MAST3: variants seen among roughly 807,000 people sequenced by gnomAD.
MAST3 encodes microtubule-associated serine/threonine-protein kinase 3.
MAST3 carries 43 observed loss-of-function variants against 127.0 expected under a neutral mutation model. The ratio of observed to expected loss-of-function variants is 0.34; its 90% CI spans 0.27 to 0.44. The LOEUF is 0.44. MAST3 is among the 20% of genes least tolerant of loss of function. The probability of loss-of-function intolerance (pLI) is 1.00; values close to 1 mark genes in which losing one functional copy is unlikely to be tolerated. For missense variants in MAST3, 1,390 were observed against 1,919.1 expected, an observed-to-expected ratio of 0.72 and a Z score of 5.15; for synonymous variants, 785 against 809.2, an observed-to-expected ratio of 0.97 and a Z score of 0.51.
At chr19:18,103,040 C>T (rs1360195949) in intron 1 of MAST3, among the ~76,000 whole-genome samples, 2 of 151,942 alleles carry the variant, frequency 1.3e-5, no homozygotes, top group Admixed American at 6.5e-5. Flanking sequence ...TTCAGGGGGT[C>T]GGGGCCTCCC....
At chr19:18,104,578 C>T (rs2037919284) in intron 1 of MAST3, among the ~76,000 whole-genome samples, 1 of 152,096 alleles carries the variant, frequency 6.6e-6, no homozygotes, top group Admixed American at 6.6e-5. Context: ...ATGGCGAACA[C>T]CCAGATCACG....
intron 14 of MAST3, among the ~76,000 whole-genome samples, chr19:18,130,994 A>T (rs1248757908): frequency 6.6e-6 from 1 of 152,226 alleles, no homozygotes; most frequent in African/African-American, 2.4e-5. Flanking sequence ...AAGTGAAGGC[A>T]GGGAGATGTA....
Position 18,124,627 on chromosome 19 carries a change from C to G in MAST3, c.946-15C>G, listed in dbSNP as rs899576319. On this transcript the variant is annotated splice_polypyrimidine_tract_variant and intron_variant, in intron 10 of 27. Transcript: ENST00000687212. ...GGAACCAAGCCCTGGGTGACCAGCC[C>G]TCCTGTGCCCCTAGGAGTTTGACCC... 6.4e-7 allele frequency: 1 copy of G among 1,556,390 alleles called. No individual in the cohort carries two copies.
chr19:18,101,638 C>T (rs2037629157), intron 1 of MAST3, among the ~76,000 whole-genome samples: 1 of 152,094 alleles, frequency 6.6e-6, no homozygotes, highest in Admixed American at 6.6e-5. Context: ...CCCTTTGAGT[C>T]TCTCTTTTTT....
chr19:18,144,476 T>C lies in MAST3; in HGVS notation c.2595T>C (p.Ala865=). 6.4e-7 allele frequency: 1 copy of C among 1,570,142 alleles called. No homozygotes were observed. Among genetic ancestry groups the C allele is most frequent in the Middle Eastern group, 1.7e-4 (1 of 5,876 alleles). Residue 865 remains alanine (A), a synonymous_variant, in exon 23 of 28, where the codon GCT becomes GCC. Transcript: ENST00000687212. This position sits in a 1 kb window ranked among gnomAD's most constrained non-coding sequence, Gnocchi z 4.0. The stretch of plus-strand genomic sequence containing the variant: ...CTGCTGACCCTCTAGCCGACACAGC[T>C]GCTCTCAGCCACGCCCGCCTACGGA... ...PKPSSLSADT[A]ALSHARLRSN...
At chr19:18,138,891 T>G in intron 19 of MAST3, 124 bp from the exon 20 acceptor site, 2 of 676,230 alleles carry the variant, frequency 3.0e-6, no homozygotes, top group Non-Finnish European at 5.3e-6. Context: ...CCAGGCACTG[T>G]CCCACCTCAG....
Position 18,124,057 on chromosome 19 carries a change from C to T in MAST3, c.752C>T (p.Ala251Val), listed in dbSNP as rs2054899502. The T allele has an allele frequency of 6.2e-7, 1 of 1,608,314 alleles. No individual in the cohort carries two copies. ...ATCCACCACCAGATCGTCGAGCTGG[C>T]CCGAGACTGCTTGGCCAAGTCTGGC... ...GFIHHQIVEL[A>V]RDCLAKSGEN... Residue 251 changes from alanine to valine, a missense_variant, in exon 9 of 28, where the codon GCC (alanine) becomes GTC (valine). Ala to Val is a moderately conservative substitution (Grantham distance 64). Around this residue, in one of 5 missense-constraint regions of MAST3, gnomAD observed 277 missense variants for 384.8 expected, o/e 0.72. Transcript: ENST00000687212.
intron 3 of MAST3, among the ~76,000 whole-genome samples, chr19:18,111,530 C>CTTTTTTTTTTTT (rs576984210): frequency 6.8e-5 from 7 of 103,288 alleles, no homozygotes; most frequent in African/African-American, 3.2e-4. Flanking sequence ...TTTCCACAGA[C>CTTTTTTTTTTTT]TTTTTTTTTT....
chr19:18,124,933 C>T, intron 11 of MAST3, among the ~76,000 whole-genome samples, 159 bp downstream of exon 11: 1 of 135,942 alleles, frequency 7.4e-6, no homozygotes, highest in East Asian at 2.1e-4. Context: ...TGGTGGAAAC[C>T]CCCCCCCTAC....
chr19:18,137,915 A>G (rs1270335176), intron 19 of MAST3, among the ~76,000 whole-genome samples: 3 of 152,146 alleles, frequency 2.0e-5, no homozygotes, highest in African/African-American at 7.2e-5. Context: ...TTGGAGATGC[A>G]CAATTTTGGC....
In MAST3 at chr19:18,128,555, G is replaced by T. The variant is rs917424276; in HGVS notation, c.1137+97G>T. The T allele has an allele frequency of 5.2e-5, 66 of 1,260,548 alleles. No individual in the cohort carries two copies. In the Admixed American group the frequency reaches 5.3e-4, roughly 10 times the overall value. 78.1% of individuals were successfully genotyped at this position (1,260,548 alleles called of 1,614,324 possible). On this transcript the variant is annotated intron_variant, in intron 12 of 27. Transcript: ENST00000687212. ...GGCTGGGTTTGCCGAGGTCTTGCAT[G>T]TAGCTTAATTAGCATCGGTGACTTT...
chr19:18,126,452 G>A (rs1267295164), intron 11 of MAST3, among the ~76,000 whole-genome samples: 5 of 152,186 alleles, frequency 3.3e-5, no homozygotes, highest in Non-Finnish European at 5.9e-5. Context: ...TACCTGGAGT[G>A]GGACTGACCT....
chr19:18,100,097 G>A (rs2146752573), intron 1 of MAST3, among the ~76,000 whole-genome samples: 1 of 149,410 alleles, frequency 6.7e-6, no homozygotes, highest in East Asian at 2.0e-4. Flanking sequence ...TACTCAAGGA[G>A]GCTGAGGCAG....
chr19:18,142,018 A>G lies in MAST3; in HGVS notation c.2339+3A>G. The G allele has an allele frequency of 6.7e-7, 1 of 1,487,436 alleles. No homozygotes were observed. The highest frequency in any genetic ancestry group is 2.6e-5 in the East Asian group (1 of 39,182). The allele number at this position is 1,487,436 out of a possible 1,614,324, so 92.1% of individuals were successfully genotyped here. A position where few individuals can be genotyped will look rare whatever the true frequency, so the allele number is the denominator to read the frequency against. ...CGCCGGCTGAGTGCTGACATCCGGT[A>G]AGTGGCCTGGGGAAGTGTAGGCAGA... is the stretch of plus-strand genomic sequence containing the variant. On this transcript the variant is annotated splice_donor_region_variant and intron_variant, in intron 21 of 27. Transcript: ENST00000687212.
chr19:18,147,001 C>T lies in MAST3; in HGVS notation c.3283C>T (p.Arg1095Trp), dbSNP rs866206561. The change falls in exon 26 of 28, where the codon CGG (arginine) becomes TGG (tryptophan). Residue 1095 changes from arginine (R) to tryptophan (W), a missense_variant. By Grantham distance (101) the Arg-to-Trp change is moderately radical. Transcript: ENST00000687212. ...ACGCAGGAGCAAGAGGAGCCGTCGGCGGGAGACCCAGGATCGGTGCGCGGC... is the reference window on the plus strand; with the variant it reads ...ACGCAGGAGCAAGAGGAGCCGTCGGTGGGAGACCCAGGATCGGTGCGCGGC... Reference protein sequence around the residue: ...MARRSKRSRRRETQDRCAAVT... With the variant: ...MARRSKRSRRWETQDRCAAVT... 8.9e-6 allele frequency: 14 copies of T among 1,570,440 alleles called. 1 individual carries two copies. Among genetic ancestry groups the T allele is most frequent in the East Asian group, 4.7e-5 (2 of 42,834 alleles).
chr19:18,134,560 A>G lies in MAST3; in HGVS notation c.1572-19A>G. Reference sequence around the variant, plus strand: ...ACCCCAGCCCCCCAGCTCTGAGCACACTCCTAACCTGCCCACAGTCTGCTC... The same window carrying G: ...ACCCCAGCCCCCCAGCTCTGAGCACGCTCCTAACCTGCCCACAGTCTGCTC... On this transcript the variant is annotated intron_variant, in intron 15 of 27. Coordinates refer to ENST00000687212, the MANE Select transcript of MAST3 (RefSeq NM_001393504.1). 1 of 1,596,634 alleles carries G rather than the reference A, an allele frequency of 6.3e-7. No homozygotes were observed. The highest frequency in any genetic ancestry group is 8.6e-7 in the Non-Finnish European group (1 of 1,167,490).
intron 14 of MAST3, among the ~76,000 whole-genome samples, chr19:18,130,933 G>T (rs1403032743): frequency 6.6e-6 from 1 of 152,212 alleles, no homozygotes; most frequent in Non-Finnish European, 1.5e-5. Context: ...GGCAAGAGGA[G>T]GGTGGCCATC....
chr19:18,148,708 G>C (rs2043279924), intron 27 of MAST3, among the ~76,000 whole-genome samples: 1 of 152,004 alleles, frequency 6.6e-6, no homozygotes, highest in African/African-American at 2.4e-5. Flanking sequence ...TTTGAGACCA[G>C]CCTGGCCAAC....
In MAST3 at chr19:18,149,927, C is replaced by A; in HGVS notation, c.*201C>A. On this transcript the variant is annotated 3_prime_UTR_variant, in exon 28 of 28. Coordinates refer to ENST00000687212, the MANE Select transcript of MAST3 (RefSeq NM_001393504.1). This position sits in a 1 kb window ranked among gnomAD's most constrained non-coding sequence, Gnocchi z 5.9. ...GGCTGGATGGGGCAAGAATGGGGGACAAGGGTGGCTTTGTAAATAGCAGCA... is the reference window on the plus strand; with the variant it reads ...GGCTGGATGGGGCAAGAATGGGGGAAAAGGGTGGCTTTGTAAATAGCAGCA... The A allele has an allele frequency of 1.7e-6, 1 of 585,934 alleles. No individual in the cohort carries two copies. The highest frequency in any genetic ancestry group is 2.8e-6 in the Non-Finnish European group (1 of 355,570). 36.3% of individuals were successfully genotyped at this position (585,934 alleles called of 1,614,324 possible).
Sources: gnomAD v4.1 joint callset for allele counts (sites outside exome capture counted in the v4.1 genomes callset) on GRCh38, gnomAD v4.1.1 for gene constraint, gnomAD v4.1.1 regional missense constraint, Gnocchi (gnomAD v3.1) non-coding constraint, MANE v1.5 for transcripts, NCBI Gene and HGNC (gene_info 2026-07-23, HGNC 2026-07-21) for gene names.